The following INHBA variants were observed in gnomAD, a reference collection of about 807,000 sequenced individuals.
The protein encoded by INHBA is inhibin beta A chain.
A neutral mutation model predicts 29.0 loss-of-function variants in INHBA; 1 was observed. That is an observed-to-expected ratio of 0.03 (90% CI 0.01 to 0.16). INHBA has a LOEUF of 0.16. Among genes scored for constraint, INHBA ranks in the 10% least tolerant of loss-of-function variants. The pLI is 1.00. For synonymous variants in INHBA, 242 were observed against 216.8 expected (o/e 1.12, Z -1.02); for missense variants, 376 against 545.4 (o/e 0.69, Z 3.09).
rs949393612 is a variant in INHBA at position 41,699,983 on chromosome 7, C to A, written c.388+4G>T. 5.0e-6 allele frequency: 6 copies of A among 1,206,162 alleles called. No homozygotes were observed. Among genetic ancestry groups the A allele is most frequent in the Non-Finnish European group, 4.4e-6 (4 of 906,298 alleles). 74.7% of individuals were successfully genotyped at this position (1,206,162 alleles called of 1,614,324 possible). On this transcript the variant is annotated splice_donor_region_variant and intron_variant, in intron 2 of 2. Transcript: ENST00000242208. Reference sequence around the variant, plus strand: ...CCCCACCCCCTGCCAATGCCAGCACCAACCTGACTCGGCAAACGTGATGAT... The same window carrying A: ...CCCCACCCCCTGCCAATGCCAGCACAAACCTGACTCGGCAAACGTGATGAT...
chr7:41,693,035 C>T (rs1794557280), intron 2 of INHBA, among the ~76,000 whole-genome samples: 1 of 152,128 alleles, frequency 6.6e-6, no homozygotes. Flanking sequence ...TCTGCCTTGC[C>T]CCATAGAGAA....
chr7:41,685,857 C>T lies in INHBA; in HGVS notation c.*3793G>A, dbSNP rs1412140173. 1 of 152,122 alleles carries T rather than the reference C, an allele frequency of 6.6e-6. No individual in the cohort carries two copies. The highest frequency in any genetic ancestry group is 1.5e-5 in the Non-Finnish European group (1 of 67,992). 9.4% of individuals were successfully genotyped at this position (152,122 alleles called of 1,614,324 possible). ...AACACATACAATGTCCACCCCCAAACCTTCTGCCCACATCTACAAGTTTTA... is the reference window on the plus strand; with the variant it reads ...AACACATACAATGTCCACCCCCAAATCTTCTGCCCACATCTACAAGTTTTA... On this transcript the variant is annotated 3_prime_UTR_variant, in exon 3 of 3. Coordinates refer to ENST00000242208, the MANE Select transcript of INHBA (RefSeq NM_002192.4).
upstream of INHBA, chr7:41,705,137 G>C (rs561717940): frequency 1.3e-5 from 2 of 152,232 alleles, no homozygotes; most frequent in Non-Finnish European, 1.5e-5. Flanking sequence ...GGAACTCAAG[G>C]GCCCGGGGCA....
chr7:41,696,565 AACTGCCTTTCC>A (rs1794653185), intron 2 of INHBA, among the ~76,000 whole-genome samples: 1 of 152,188 alleles, frequency 6.6e-6, no homozygotes, highest in Non-Finnish European at 1.5e-5. Flanking sequence ...CAGTACGCGC[AACTGCCTTTCC>A]CTGGATACAC....
At chr7:41,699,624 C>T (rs1266759288) in intron 2 of INHBA, among the ~76,000 whole-genome samples, 1 of 152,108 alleles carries the variant, frequency 6.6e-6, no homozygotes, top group Non-Finnish European at 1.5e-5. Flanking sequence ...CCGAAAATGC[C>T]GCGGCTTTCC....
upstream of INHBA, among the ~76,000 whole-genome samples, chr7:41,703,696 T>C (rs2877098): frequency 0.69 from 105,068 of 151,720 alleles, 36,660 homozygotes; most frequent in African/African-American, 0.74. Flanking sequence ...ACTTTGGAAA[T>C]AGTAATTCTC....
upstream of INHBA, among the ~76,000 whole-genome samples, chr7:41,704,666 T>G (rs1451307652): frequency 9.3e-4 from 88 of 94,608 alleles, no homozygotes; most frequent in South Asian, 1.8e-3. Flanking sequence ...GTAGGTGACG[T>G]GGGGTGGGGG....
upstream of INHBA, among the ~76,000 whole-genome samples, chr7:41,704,618 G>A (rs1340644271): frequency 1.0e-4 from 4 of 38,806 alleles, no homozygotes; most frequent in African/African-American, 5.2e-4. Flanking sequence ...AGTAGTGTGT[G>A]TGTGTGTGTG....
chr7:41,694,542 T>C (rs888967665), intron 2 of INHBA, among the ~76,000 whole-genome samples: 1 of 152,250 alleles, frequency 6.6e-6, no homozygotes, highest in Non-Finnish European at 1.5e-5. Context: ...CATTAGTTTG[T>C]ACAGGTGCGA....
At chr7:41,692,215 A>G (rs1362664629) in intron 2 of INHBA, 2 of 151,952 alleles carry the variant, frequency 1.3e-5, no homozygotes, top group African/African-American at 2.4e-5. Flanking sequence ...ATGACCGTGG[A>G]CCTCCTTACA....
chr7:41,690,182 C>T lies in INHBA; in HGVS notation c.749G>A (p.Ser250Asn), dbSNP rs764604932. ...GCCCAGGAGAACCAAGCTGGCGCCA[C>T]TCTCCTGGCACTGCTCACAGGCAAT... ...VRIACEQCQE[S>N]GASLVLLGKK... The change falls in exon 3 of 3, where the codon AGT becomes AAT. Residue 250 changes from serine to asparagine, a missense_variant. Ser to Asn is a conservative substitution (Grantham distance 46). Transcript: ENST00000242208. 6.2e-7 allele frequency: 1 copy of T among 1,613,910 alleles called. No individual in the cohort carries two copies. Among genetic ancestry groups the T allele is most frequent in the Non-Finnish European group, 8.5e-7 (1 of 1,180,008 alleles).
In INHBA at chr7:41,700,360, C is replaced by A. The variant is rs1366906380; in HGVS notation, c.15G>T (p.Trp5Cys). The change falls in exon 2 of 3, where the codon TGG (tryptophan) becomes TGT (cysteine). Residue 5 changes from tryptophan to cysteine, a missense_variant. Transcript: ENST00000242208. ...AACTTGCCAACAGAAATCCTCTCAG[C>A]CAAAGCAAGGGCATCCTGGCAGCAA... is the stretch of plus-strand genomic sequence containing the variant. MPLLWLRGFLLASCW... is the reference protein window; with the variant it reads MPLLCLRGFLLASCW... 2.0e-6 allele frequency: 3 copies of A among 1,484,916 alleles called. No individual in the cohort carries two copies. Among genetic ancestry groups the A allele is most frequent in the Non-Finnish European group, 2.7e-6 (3 of 1,118,054 alleles). 92.0% of individuals were successfully genotyped at this position (1,484,916 alleles called of 1,614,324 possible). A position where few individuals can be genotyped will look rare whatever the true frequency, so the allele number is the denominator to read the frequency against.
At chr7:41,694,017 G>T (rs1477490121) in intron 2 of INHBA, 2 of 152,314 alleles carry the variant, frequency 1.3e-5, no homozygotes, top group Admixed American at 6.5e-5. Context: ...TGAAAATGCT[G>T]TTGCCATAAT....
chr7:41,689,484 T>G lies in INHBA; in HGVS notation c.*166A>C. On this transcript the variant is annotated 3_prime_UTR_variant, in exon 3 of 3. Transcript: ENST00000242208. ...TTTTCCACATCTTCCTTCATCTGTT[T>G]CATCAGGTTTTGTTTTTAATTTACT... 3.2e-6 allele frequency: 2 copies of G among 621,034 alleles called. No individual in the cohort carries two copies. The highest frequency in any genetic ancestry group is 5.1e-6 in the Non-Finnish European group (2 of 393,512). The allele number at this position is 621,034 out of a possible 1,614,324, so 38.5% of individuals were successfully genotyped here. A position where few individuals can be genotyped will look rare whatever the true frequency, so the allele number is the denominator to read the frequency against.
At chr7:41,702,579 C>A (rs1055773056) in intron 1 of INHBA, among the ~76,000 whole-genome samples, 12 of 152,138 alleles carry the variant, frequency 7.9e-5, no homozygotes, top group African/African-American at 2.9e-4. Flanking sequence ...ATACAGTACC[C>A]AAAATGTTTT....
intron 1 of INHBA, among the ~76,000 whole-genome samples, chr7:41,700,815 G>A (rs1583600692): frequency 8.0e-6 from 1 of 124,474 alleles, no homozygotes; most frequent in Non-Finnish European, 1.7e-5. Flanking sequence ...GGAGGGAAGG[G>A]AGGGGGAGAG....
rs902305264 is a variant in INHBA at position 41,687,238 on chromosome 7, T to G, written c.*2412A>C. On this transcript the variant is annotated 3_prime_UTR_variant, in exon 3 of 3. Transcript: ENST00000242208. ...TTTTTCAAGGAGAGCTAAACCACCTTTTGTAATGTTTGGTTTCTCACTGTT... is the reference window on the plus strand; with the variant it reads ...TTTTTCAAGGAGAGCTAAACCACCTGTTGTAATGTTTGGTTTCTCACTGTT... 6.6e-6 allele frequency: 1 copy of G among 152,204 alleles called. No homozygotes were observed. The highest frequency in any genetic ancestry group is 2.4e-5 in the African/African-American group (1 of 41,460). The allele number at this position is 152,204 out of a possible 1,614,324, so 9.4% of individuals were successfully genotyped here.
intron 2 of INHBA, among the ~76,000 whole-genome samples, chr7:41,695,331 C>T (rs1794622689): frequency 6.6e-6 from 1 of 152,184 alleles, no homozygotes; most frequent in South Asian, 2.1e-4. Flanking sequence ...AGCGTCTGTT[C>T]CTTTAATTTT....
At chr7:41,699,023 G>A (rs1794711802) in intron 2 of INHBA, among the ~76,000 whole-genome samples, 1 of 152,178 alleles carries the variant, frequency 6.6e-6, no homozygotes. Context: ...GACGTGCATG[G>A]GCTTGCAGGC....
Sources: gnomAD v4.1 joint callset for allele counts (sites outside exome capture counted in the v4.1 genomes callset) on GRCh38, gnomAD v4.1.1 for gene constraint, MANE v1.5 for transcripts, NCBI Gene and HGNC (gene_info 2026-07-23, HGNC 2026-07-21) for gene names.